PDILT: variants seen among roughly 807,000 people sequenced by gnomAD.
The protein encoded by PDILT is protein disulfide-isomerase-like protein of the testis.
In PDILT, 43 loss-of-function variants were observed where a neutral mutation model predicts 53.7. That is an observed-to-expected ratio of 0.80 (90% CI 0.63 to 1.03). The LOEUF (loss-of-function observed/expected upper bound fraction) is 1.03. Among genes scored for constraint, PDILT ranks in the 50% least tolerant of loss-of-function variants. PDILT has a pLI of 0.00. For synonymous variants in PDILT, 282 were observed against 274.2 expected, an observed-to-expected ratio of 1.03 and a Z score of -0.28; for missense variants, 727 against 712.3, an observed-to-expected ratio of 1.02 and a Z score of -0.24.
chr16:20,380,718 C>A (rs1298992293), intron 3 of PDILT, among the ~76,000 whole-genome samples: 3 of 152,194 alleles, frequency 2.0e-5, no homozygotes, highest in Non-Finnish European at 4.4e-5. Flanking sequence ...AGTGTGAGCT[C>A]CCAGTAAGCT....
chr16:20,402,290 A>ATCTTTTCTTTTCTTTTCTTT (rs57705875), intron 1 of PDILT, among the ~76,000 whole-genome samples: 1,728 of 149,614 alleles, frequency 0.012, 30 homozygotes, highest in East Asian at 0.053. Context: ...AGGAGTGTTG[A>ATCTTTTCTTTTCTTTTCTTT]TCTTTTCTTT....
chr16:20,395,953 T>C (rs1966657684), intron 2 of PDILT, among the ~76,000 whole-genome samples: 1 of 152,158 alleles, frequency 6.6e-6, no homozygotes, highest in South Asian at 2.1e-4. Context: ...AGCTTTATTG[T>C]TTATAAATTA....
chr16:20,362,436 A>T lies in PDILT; in HGVS notation c.1384T>A (p.Phe462Ile). ...GAGCCGCTGGGGAACAGCCTGAAGAATGGGTACCGGTCCAGGTACATCAGC... is the reference window on the plus strand; with the variant it reads ...GAGCCGCTGGGGAACAGCCTGAAGATTGGGTACCGGTCCAGGTACATCAGC... ...IQLMYLDRYPFFRLFPSGSQQ... is the reference protein window; with the variant it reads ...IQLMYLDRYPIFRLFPSGSQQ... The change falls in exon 10 of 12, where the codon TTC becomes ATC. Residue 462 changes from phenylalanine (F) to isoleucine (I), a missense_variant. By Grantham distance (21) the Phe-to-Ile change is conservative (BLOSUM62 0). Coordinates refer to ENST00000302451, the MANE Select transcript of PDILT (RefSeq NM_174924.2). 4 of 1,614,244 alleles carry T rather than the reference A, an allele frequency of 2.5e-6. No individual in the cohort carries two copies. The highest frequency in any genetic ancestry group is 3.4e-6 in the Non-Finnish European group (4 of 1,180,050).
chr16:20,398,947 G>A, intron 2 of PDILT, 152 bp downstream of exon 2: 1 of 824,878 alleles, frequency 1.2e-6, no homozygotes, highest in Non-Finnish European at 1.9e-6. Context: ...TCTGGAGATT[G>A]GAGATGATGC....
intron 3 of PDILT, among the ~76,000 whole-genome samples, chr16:20,378,174 T>C (rs1448464601): frequency 6.6e-6 from 1 of 152,184 alleles, no homozygotes; most frequent in Non-Finnish European, 1.5e-5. Context: ...ATGAAGGCTT[T>C]TCAAAAACTT....
At chr16:20,388,912 C>CA (rs34766105) in intron 2 of PDILT, 2,909 of 135,844 alleles carry the variant, frequency 0.021, 46 homozygotes, top group Admixed American at 0.053. Context: ...AACTTCATCT[C>CA]AAAAAAAAAA....
At chr16:20,387,945 C>T (rs1267753033) in intron 2 of PDILT, among the ~76,000 whole-genome samples, 1 of 152,086 alleles carries the variant, frequency 6.6e-6, no homozygotes, top group South Asian at 2.1e-4. Flanking sequence ...TGCAGGTAGA[C>T]CAGTCGGAGG....
At chr16:20,403,446 T>C (rs192019001) in intron 1 of PDILT, among the ~76,000 whole-genome samples, 61 of 152,202 alleles carry the variant, frequency 4.0e-4, no homozygotes, top group Admixed American at 5.9e-4. Flanking sequence ...CCCGCCACCA[T>C]GCCCGGCTAA....
intron 2 of PDILT, among the ~76,000 whole-genome samples, chr16:20,398,340 G>A (rs773104287): frequency 1.1e-4 from 16 of 152,136 alleles, no homozygotes; most frequent in Non-Finnish European, 1.5e-4. Flanking sequence ...TGATGGTCTC[G>A]GCTGGGCACA....
rs374255958 is a variant in PDILT, at chr16:20,359,442, G to C, written c.1632C>G (p.Tyr544Ter). Reference sequence around the variant, plus strand: ...CAGCGGGCTCTTCCAGCTTGGATACGTACTTGGTCATGTTCTCCAGCTCAG... The same window carrying C: ...CAGCGGGCTCTTCCAGCTTGGATACCTACTTGGTCATGTTCTCCAGCTCAG... ...QSPELENMTK[Y>*]VSKLEEPAGK... The change falls in exon 12 of 12, where the codon TAC becomes TAG. Residue 544 changes from tyrosine to a stop codon, truncating the protein, a stop_gained. Transcript: ENST00000302451. LOFTEE classifies it low-confidence loss of function (END_TRUNC). The C allele has an allele frequency of 1.2e-6, 2 of 1,614,108 alleles. No individual in the cohort carries two copies. The highest frequency in any genetic ancestry group is 1.7e-6 in the Non-Finnish European group (2 of 1,180,044).
intron 2 of PDILT, among the ~76,000 whole-genome samples, chr16:20,391,612 T>G (rs1056984111): frequency 1.3e-5 from 2 of 152,120 alleles, no homozygotes; most frequent in African/African-American, 4.8e-5. Flanking sequence ...CATTCATTCA[T>G]CTATTCATTC....
intron 8 of PDILT, among the ~76,000 whole-genome samples, chr16:20,367,666 T>C (rs1567321214): frequency 6.6e-6 from 1 of 152,154 alleles, no homozygotes; most frequent in Non-Finnish European, 1.5e-5. Context: ...AGGCCTCCAA[T>C]GTGAGGACAT....
At chr16:20,403,657 CA>C (rs10714451) in intron 1 of PDILT, among the ~76,000 whole-genome samples, 140,939 of 151,340 alleles carry the variant, frequency 0.93, 65,834 homozygotes, top group Non-Finnish European at 0.97. Flanking sequence ...CACTTTTGTG[CA>C]AAAAAAAGCT....
chr16:20,362,264 G>A (rs756483159), intron 10 of PDILT, 140 bp downstream of exon 10: 8 of 872,598 alleles, frequency 9.2e-6, no homozygotes, highest in South Asian at 1.8e-5. Flanking sequence ...CTTTGAACTT[G>A]AATGTGAGAG....
intron 8 of PDILT, among the ~76,000 whole-genome samples, chr16:20,365,807 G>A (rs183885383): frequency 6.6e-6 from 1 of 151,666 alleles, no homozygotes; most frequent in African/African-American, 2.4e-5. Flanking sequence ...TTTAAGCCGG[G>A]CGCGGTGGCT....
At chr16:20,361,200 T>TC (rs1350050906) in intron 10 of PDILT, among the ~76,000 whole-genome samples, 9 of 117,546 alleles carry the variant, frequency 7.7e-5, no homozygotes, top group Non-Finnish European at 1.8e-4. Context: ...CTTTTTTTTT[T>TC]TTTTTATATG....
Position 20,400,070 on chromosome 16 carries a change from ATATT to A in PDILT, c.-7-767_-7-764del, listed in dbSNP as rs1295480512. On this transcript the variant is annotated intron_variant, in intron 1 of 11. Transcript: ENST00000302451. ...TCTATCTATCTATATATATATATAT[ATATT>A]TTTTGAGACGGAGTTTTGCTCTTGT... Among the ~76,000 whole-genome samples the A allele has an allele frequency of 1.3e-4, 17 of 126,672 alleles. No individual in the cohort carries two copies. In the East Asian group the frequency reaches 3.7e-3, roughly 28 times the overall value. The allele number at this position is 126,672 out of a possible 152,430, so 83.1% of individuals were successfully genotyped here. A position where few individuals can be genotyped will look rare whatever the true frequency, so the allele number is the denominator to read the frequency against.
At chr16:20,390,250 T>A (rs1966592328) in intron 2 of PDILT, among the ~76,000 whole-genome samples, 1 of 152,162 alleles carries the variant, frequency 6.6e-6, no homozygotes, top group Non-Finnish European at 1.5e-5. Flanking sequence ...CAATGGCCTT[T>A]AAGTTTTTAA....
intron 3 of PDILT, among the ~76,000 whole-genome samples, chr16:20,383,784 G>A (rs1199561457): frequency 6.6e-6 from 1 of 152,254 alleles, no homozygotes; most frequent in African/African-American, 2.4e-5. Flanking sequence ...GCACTTCTGT[G>A]TTCATCAGTT....
Sources: gnomAD v4.1 joint callset for allele counts (sites outside exome capture counted in the v4.1 genomes callset) on GRCh38, gnomAD v4.1.1 for gene constraint, MANE v1.5 for transcripts, NCBI Gene and HGNC (gene_info 2026-07-23, HGNC 2026-07-21) for gene names.